IFIT2: variants seen among roughly 807,000 people sequenced by gnomAD.
IFIT2 encodes the protein interferon induced protein with tetratricopeptide repeats 2, also known as interferon-induced protein with tetratricopeptide repeats 2.
Under a neutral mutation model 2.5 loss-of-function variants are expected in IFIT2, and 3 were observed. The ratio of observed to expected loss-of-function variants is 1.21; its 90% confidence interval spans 0.55 to 3.14. IFIT2 has a LOEUF of 3.14. Ranked by LOEUF, IFIT2 falls within the 30% of genes most tolerant of loss-of-function variation. The pLI, the probability that IFIT2 is intolerant of heterozygous loss-of-function variation, is 0.03. For missense variants in IFIT2, 493 were observed against 558.9 expected (o/e 0.88, Z 1.19); for synonymous variants, 212 against 200.7 (o/e 1.06, Z -0.48).
rs551497318 is a variant in IFIT2 at position 89,308,603 on chromosome 10, C to T, written c.*1228C>T. ...GATTTTCTAGGTAGATGCTGAATAGCCTAGACATCAAAGTTGGTGTGAACC... is the reference window on the plus strand; with the variant it reads ...GATTTTCTAGGTAGATGCTGAATAGTCTAGACATCAAAGTTGGTGTGAACC... On this transcript the variant is annotated 3_prime_UTR_variant, in exon 2 of 2. Coordinates refer to ENST00000371826, the MANE Select transcript of IFIT2 (RefSeq NM_001547.5). The T allele has an allele frequency of 6.6e-6, 1 of 152,110 alleles. No individual in the cohort carries two copies. The highest frequency in any genetic ancestry group is 1.5e-5 in the Non-Finnish European group (1 of 68,022). 9.4% of individuals were successfully genotyped at this position (152,110 alleles called of 1,614,324 possible). A position where few individuals can be genotyped will look rare whatever the true frequency, so the allele number is the denominator to read the frequency against.
At chr10:89,303,887 A>T (rs553710932) in intron 1 of IFIT2, among the ~76,000 whole-genome samples, 41 of 152,256 alleles carry the variant, frequency 2.7e-4, no homozygotes, top group African/African-American at 9.6e-4. Flanking sequence ...GGGGTCTGAG[A>T]GTGGTCATAT....
In IFIT2 at chr10:89,306,271, T is replaced by C. The variant is rs752563048; in HGVS notation, c.315T>C (p.Tyr105=). 1 of 1,613,966 alleles carries C rather than the reference T, an allele frequency of 6.2e-7. No homozygotes were observed. Among genetic ancestry groups the C allele is most frequent in the African/African-American group, 1.3e-5 (1 of 74,890 alleles). The change falls in exon 2 of 2, where the codon TAT becomes TAC. Residue 105 remains tyrosine, a synonymous_variant. Coordinates refer to ENST00000371826, the MANE Select transcript of IFIT2 (RefSeq NM_001547.5). The part of the protein sequence containing the change: ...VTWGNYAWVY[Y]HMGRLSDVQI... ...GGGGAAACTATGCCTGGGTCTACTA[T>C]CACATGGGCCGACTCTCAGACGTTC...
At chr10:89,303,158 T>C (rs1843456561) in intron 1 of IFIT2, among the ~76,000 whole-genome samples, 1 of 152,264 alleles carries the variant, frequency 6.6e-6, no homozygotes, top group South Asian at 2.1e-4. Context: ...ATCTGTCCTT[T>C]CTTTCCTTAA....
Position 89,306,983 on chromosome 10 carries a change from C to T in IFIT2, c.1027C>T (p.Leu343Phe), listed in dbSNP as rs1241696887. The change falls in exon 2 of 2, where the codon CTC (leucine) becomes TTC (phenylalanine). Residue 343 changes from leucine to phenylalanine, a missense_variant. Coordinates refer to ENST00000371826, the MANE Select transcript of IFIT2 (RefSeq NM_001547.5). ...LFRVCSILAS[L>F]HALADQYEDA... The stretch of plus-strand genomic sequence containing the variant: ...CCGTGTCTGTTCCATTCTTGCCAGC[C>T]TCCATGCTCTAGCAGATCAGTATGA... 1.2e-6 allele frequency: 2 copies of T among 1,613,924 alleles called. No individual in the cohort carries two copies. The highest frequency in any genetic ancestry group is 1.7e-6 in the Non-Finnish European group (2 of 1,179,976).
chr10:89,305,278 A>G (rs1843471199), intron 1 of IFIT2, among the ~76,000 whole-genome samples: 1 of 152,200 alleles, frequency 6.6e-6, no homozygotes, highest in Admixed American at 6.5e-5. Flanking sequence ...GAAAAAAATG[A>G]GAATGTAGCA....
At chr10:89,303,917 T>G (rs1321871833) in intron 1 of IFIT2, among the ~76,000 whole-genome samples, 1 of 152,128 alleles carries the variant, frequency 6.6e-6, no homozygotes, top group Non-Finnish European at 1.5e-5. Flanking sequence ...CTCACCATAT[T>G]CTGTAATGAA....
rs770191578 is a variant in IFIT2, at chr10:89,306,864, A to G, written c.908A>G (p.Glu303Gly). 1 of 1,614,096 alleles carries G rather than the reference A, an allele frequency of 6.2e-7. No homozygotes were observed. The highest frequency in any genetic ancestry group is 8.5e-7 in the Non-Finnish European group (1 of 1,179,976). The change falls in exon 2 of 2, where the codon GAG becomes GGG. Residue 303 changes from glutamate (E) to glycine (G), a missense_variant. Coordinates refer to ENST00000371826, the MANE Select transcript of IFIT2 (RefSeq NM_001547.5). ...AKVFQVMNLR[E>G]NGMYGKRKLL... is the part of the protein sequence containing the mutation. Reference sequence around the variant, plus strand: ...GTCTTCCAAGTAATGAATCTAAGAGAGAATGGAATGTATGGGAAAAGAAAG... The same window carrying G: ...GTCTTCCAAGTAATGAATCTAAGAGGGAATGGAATGTATGGGAAAAGAAAG...
intron 1 of IFIT2, among the ~76,000 whole-genome samples, chr10:89,305,530 A>T (rs1322388203): frequency 1.3e-5 from 2 of 152,186 alleles, no homozygotes; most frequent in Non-Finnish European, 2.9e-5. Flanking sequence ...TAAAAGAATA[A>T]AAAATTATAA....
In IFIT2 at chr10:89,305,945, T is replaced by C. The variant is rs752890251; in HGVS notation, c.6-17T>C. 56 of 1,566,362 alleles carry C rather than the reference T, an allele frequency of 3.6e-5. No individual in the cohort carries two copies. Among genetic ancestry groups the C allele is most frequent in the Non-Finnish European group, 4.5e-5 (51 of 1,142,522 alleles). On this transcript the variant is annotated splice_polypyrimidine_tract_variant and intron_variant, in intron 1 of 1. Coordinates refer to ENST00000371826, the MANE Select transcript of IFIT2 (RefSeq NM_001547.5). The stretch of plus-strand genomic sequence containing the variant: ...AAATCTGTGTCTCAAAGTCCATCTT[T>C]GTGTTTTTCCCTACAGTGAGAACAA...
Position 89,307,298 on chromosome 10 carries a change from C to A in IFIT2, c.1342C>A (p.Gln448Lys). The change falls in exon 2 of 2, where the codon CAA (glutamine) becomes AAA (lysine). Residue 448 changes from glutamine to lysine, a missense_variant. By Grantham distance (53) the Gln-to-Lys change is moderately conservative. Transcript: ENST00000371826. ...FLQELNEKMQ[Q>K]ADEDSERGLE... The stretch of plus-strand genomic sequence containing the variant: ...TCAGGAGCTGAATGAAAAAATGCAA[C>A]AAGCAGATGAAGACTCTGAGAGGGG... The A allele has an allele frequency of 6.2e-7, 1 of 1,613,916 alleles. No individual in the cohort carries two copies. Among genetic ancestry groups the A allele is most frequent in the Non-Finnish European group, 8.5e-7 (1 of 1,179,902 alleles).
intron 1 of IFIT2, among the ~76,000 whole-genome samples, chr10:89,303,775 G>A (rs920315672): frequency 1.3e-5 from 2 of 152,298 alleles, no homozygotes; most frequent in South Asian, 4.2e-4. Context: ...TGTGTTAAGG[G>A]AATGAGCTCC....
Position 89,306,655 on chromosome 10 carries a change from G to T in IFIT2, c.699G>T (p.Glu233Asp), listed in dbSNP as rs761654643. The change falls in exon 2 of 2, where the codon GAG becomes GAT. Residue 233 changes from glutamate (E) to aspartate (D), a missense_variant. By Grantham distance (45) the Glu-to-Asp change is conservative. Coordinates refer to ENST00000371826, the MANE Select transcript of IFIT2 (RefSeq NM_001547.5). ...AAGGTGAAGAGGAAGGTGAAGGAGA[G>T]AAGTTAGTTGAAGAAGCCTTGGAGA... is the stretch of plus-strand genomic sequence containing the variant. ...REEGEEEGEG[E>D]KLVEEALEKA... The T allele has an allele frequency of 5.0e-6, 8 of 1,614,140 alleles. No individual in the cohort carries two copies. Among genetic ancestry groups the T allele is most frequent in the Non-Finnish European group, 6.8e-6 (8 of 1,179,974 alleles).
Position 89,307,022 on chromosome 10 carries a change from T to C in IFIT2, c.1066T>C (p.Tyr356His), listed in dbSNP as rs1410082670. Residue 356 changes from tyrosine (Y) to histidine (H), a missense_variant, in exon 2 of 2, where the codon TAC becomes CAC. Transcript: ENST00000371826. ...AGATCAGTATGAAGACGCAGAGTAT[T>C]ACTTCCAAAAGGAATTCAGTAAAGA... ...LADQYEDAEY[Y>H]FQKEFSKELT... The C allele has an allele frequency of 1.9e-6, 3 of 1,613,896 alleles. No homozygotes were observed. The highest frequency in any genetic ancestry group is 2.5e-6 in the Non-Finnish European group (3 of 1,179,962).
intron 1 of IFIT2, among the ~76,000 whole-genome samples, chr10:89,302,969 C>T (rs916973279): frequency 6.7e-6 from 1 of 148,440 alleles, no homozygotes; most frequent in Non-Finnish European, 1.5e-5. Flanking sequence ...CTTCTTGAAA[C>T]GATATTATTT....
intron 1 of IFIT2, among the ~76,000 whole-genome samples, chr10:89,304,882 A>G (rs1321729740): frequency 6.6e-6 from 1 of 152,128 alleles, no homozygotes; most frequent in Non-Finnish European, 1.5e-5. Flanking sequence ...CCCTAAAGAA[A>G]AAAGAGCTCT....
intron 1 of IFIT2, among the ~76,000 whole-genome samples, chr10:89,303,817 A>G (rs181236728): frequency 2.0e-5 from 3 of 152,354 alleles, no homozygotes; most frequent in African/African-American, 7.2e-5. Flanking sequence ...AATAGAATTG[A>G]GAGGGAGCAA....
rs201801294 is a variant in IFIT2, at chr10:89,307,285, T to C, written c.1329T>C (p.Asn443=). Reference sequence around the variant, plus strand: ...TCTTGGCATTCCTTCAGGAGCTGAATGAAAAAATGCAACAAGCAGATGAAG... The same window carrying C: ...TCTTGGCATTCCTTCAGGAGCTGAACGAAAAAATGCAACAAGCAGATGAAG... The part of the protein sequence containing the change: ...LHVLAFLQEL[N]EKMQQADEDS... The change falls in exon 2 of 2, where the codon AAT becomes AAC. Residue 443 remains asparagine, a synonymous_variant. Coordinates refer to ENST00000371826, the MANE Select transcript of IFIT2 (RefSeq NM_001547.5). 1.9e-6 allele frequency: 3 copies of C among 1,613,874 alleles called. No homozygotes were observed. Among genetic ancestry groups the C allele is most frequent in the Middle Eastern group, 1.6e-4 (1 of 6,062 alleles).
chr10:89,307,113 A>C lies in IFIT2; in HGVS notation c.1157A>C (p.Lys386Thr). Residue 386 changes from lysine (K) to threonine (T), a missense_variant, in exon 2 of 2, where the codon AAG becomes ACG. Lys to Thr is a moderately conservative substitution (Grantham distance 78). Coordinates refer to ENST00000371826, the MANE Select transcript of IFIT2 (RefSeq NM_001547.5). ...GGCAACTTTCAGCTGTACCAAATGAAGTGTGAAGACAAGGCCATCCACCAC... is the reference window on the plus strand; with the variant it reads ...GGCAACTTTCAGCTGTACCAAATGACGTGTGAAGACAAGGCCATCCACCAC... ...RYGNFQLYQM[K>T]CEDKAIHHFI... 2 of 1,614,114 alleles carry C rather than the reference A, an allele frequency of 1.2e-6. No individual in the cohort carries two copies. The highest frequency in any genetic ancestry group is 1.7e-6 in the Non-Finnish European group (2 of 1,179,960).
chr10:89,303,137 A>T (rs1843456453), intron 1 of IFIT2, among the ~76,000 whole-genome samples: 1 of 152,130 alleles, frequency 6.6e-6, no homozygotes, highest in South Asian at 2.1e-4. Flanking sequence ...TTCCCATTAC[A>T]ATACAGACCC....
Sources: gnomAD v4.1 joint callset for allele counts (sites outside exome capture counted in the v4.1 genomes callset) on GRCh38, gnomAD v4.1.1 for gene constraint, MANE v1.5 for transcripts, NCBI Gene and HGNC (gene_info 2026-07-23, HGNC 2026-07-21) for gene names.